Variants in ATG5 observed in about 807,000 individuals in gnomAD.
ATG5 encodes autophagy related 5.
A neutral mutation model predicts 36.5 loss-of-function variants in ATG5; 14 were observed. The observed-to-expected ratio is 0.38, with a 90% CI of 0.25 to 0.60. The LOEUF is 0.60. Among genes scored for constraint, ATG5 ranks in the 20% least tolerant of loss-of-function variants. ATG5 has a pLI of 0.60. For synonymous variants in ATG5, 95 were observed against 101.5 expected (o/e 0.94, Z 0.38); for missense variants, 195 against 326.7 (o/e 0.60, Z 3.11).
At chr6:106,235,290 T>C (rs1257954949) in intron 6 of ATG5, among the ~76,000 whole-genome samples, 1 of 152,196 alleles carries the variant, frequency 6.6e-6, no homozygotes, top group Non-Finnish European at 1.5e-5. Flanking sequence ...ATGAAGTCCA[T>C]GACTAAGATC....
At chr6:106,250,650 A>G (rs151170923) in intron 5 of ATG5, among the ~76,000 whole-genome samples, 1 of 152,358 alleles carries the variant, frequency 6.6e-6, no homozygotes, top group East Asian at 1.9e-4. Context: ...ACAGCTAAAT[A>G]TAATGATTCT....
At chr6:106,197,601 G>A (rs1344086894) in intron 7 of ATG5, among the ~76,000 whole-genome samples, 2 of 151,914 alleles carry the variant, frequency 1.3e-5, no homozygotes, top group Non-Finnish European at 1.5e-5. Flanking sequence ...AGTTCTCACT[G>A]TTTTAGTTCC....
At chr6:106,310,151 C>G (rs1180322410) in intron 2 of ATG5, among the ~76,000 whole-genome samples, 1 of 152,082 alleles carries the variant, frequency 6.6e-6, no homozygotes, top group African/African-American at 2.4e-5. Flanking sequence ...TTCCACTGCC[C>G]AAAATAGTGC....
Position 106,186,621 on chromosome 6 carries a change from T to G in ATG5, c.747A>C (p.Thr249=). 6.2e-7 allele frequency: 1 copy of G among 1,613,782 alleles called. No homozygotes were observed. Among genetic ancestry groups the G allele is most frequent in the Non-Finnish European group, 8.5e-7 (1 of 1,179,754 alleles). ...MIHGIEPMLE[T]PLQWLSEHLS... ...GATGTTCACTCAGCCACTGCAGAGG[T>G]GTTTCCAACATTGGCTCAATTCCAT... The change falls in exon 8 of 8, where the codon ACA becomes ACC. Residue 249 remains threonine (T), a synonymous_variant. Transcript: ENST00000369076.
At chr6:106,202,700 C>T (rs1056526748) in intron 6 of ATG5, among the ~76,000 whole-genome samples, 1 of 152,080 alleles carries the variant, frequency 6.6e-6, no homozygotes, top group Non-Finnish European at 1.5e-5. Flanking sequence ...CTCGCTCTGC[C>T]ACCCCGGCTG....
At chr6:106,243,010 A>G (rs760475808) in intron 6 of ATG5, among the ~76,000 whole-genome samples, 5 of 152,200 alleles carry the variant, frequency 3.3e-5, no homozygotes, top group African/African-American at 7.2e-5. Flanking sequence ...CTGGAAACAA[A>G]ACAGAGTCTA....
chr6:106,208,460 T>A (rs1395365063), intron 6 of ATG5, among the ~76,000 whole-genome samples: 2 of 152,234 alleles, frequency 1.3e-5, no homozygotes, highest in Admixed American at 6.5e-5. Context: ...TTATTTCCTT[T>A]TAATTTCATT....
intron 5 of ATG5, among the ~76,000 whole-genome samples, chr6:106,251,827 T>C (rs1778603985): frequency 6.6e-6 from 1 of 151,188 alleles, no homozygotes; most frequent in Non-Finnish European, 1.5e-5. Context: ...CCAAGTGTCT[T>C]TCACAATGGA....
intron 1 of ATG5, 98 bp downstream of exon 1, chr6:106,325,428 G>A (rs1282268141): frequency 6.6e-6 from 1 of 152,510 alleles, no homozygotes; most frequent in African/African-American, 2.4e-5. Context: ...GCTCCTCCAG[G>A]CAACTACTCA....
At chr6:106,275,343 T>C (rs1413344123) in intron 5 of ATG5, among the ~76,000 whole-genome samples, 2 of 152,198 alleles carry the variant, frequency 1.3e-5, no homozygotes, top group African/African-American at 4.8e-5. Context: ...GAAAATAAAG[T>C]ACCAAGGACT....
chr6:106,212,696 A>G (rs1179439197), intron 6 of ATG5, among the ~76,000 whole-genome samples: 3 of 152,250 alleles, frequency 2.0e-5, no homozygotes, highest in African/African-American at 7.2e-5. Context: ...TACTAGGGCC[A>G]TCAAATCAGT....
chr6:106,317,371 T>C (rs1770889783), intron 1 of ATG5, among the ~76,000 whole-genome samples: 1 of 152,226 alleles, frequency 6.6e-6, no homozygotes, highest in Non-Finnish European at 1.5e-5. Context: ...ATATAAATTA[T>C]TAACACTGAA....
chr6:106,254,547 G>A (rs564721394), intron 5 of ATG5, among the ~76,000 whole-genome samples: 43 of 152,322 alleles, frequency 2.8e-4, no homozygotes, highest in African/African-American at 9.1e-4. Flanking sequence ...AACAAAGTGT[G>A]GCATAGTGGA....
intron 6 of ATG5, among the ~76,000 whole-genome samples, chr6:106,218,261 T>G (rs545378820): frequency 2.7e-4 from 41 of 152,306 alleles, no homozygotes; most frequent in African/African-American, 9.9e-4. Flanking sequence ...TCAACCAAAC[T>G]ATAGAAAAGA....
chr6:106,292,416 C>T (rs553986215), intron 4 of ATG5, among the ~76,000 whole-genome samples: 1 of 152,142 alleles, frequency 6.6e-6, no homozygotes, highest in Non-Finnish European at 1.5e-5. Flanking sequence ...AATTAGGTCA[C>T]ACTAAATTCA....
At chr6:106,279,161 C>T (rs1310650825) in intron 5 of ATG5, among the ~76,000 whole-genome samples, 1 of 152,160 alleles carries the variant, frequency 6.6e-6, no homozygotes, top group African/African-American at 2.4e-5. Flanking sequence ...ATGAGGGATA[C>T]AGAGATGAGC....
Position 106,261,336 on chromosome 6 carries a change from T to C in ATG5, c.479-13092A>G, listed in dbSNP as rs943396884. ...TTAAGTTTGCAATGAGAAGTTTACA[T>C]AGTTCACCAGGCAAAACAGTTCACA... On this transcript the variant is annotated intron_variant, in intron 5 of 7. Coordinates refer to ENST00000369076, the MANE Select transcript of ATG5 (RefSeq NM_004849.4). Among the ~76,000 whole-genome samples the C allele has an allele frequency of 2.4e-4, 37 of 152,232 alleles. 1 individual carries two copies. The highest frequency in any genetic ancestry group is 8.9e-4 in the African/African-American group (37 of 41,462).
chr6:106,275,638 C>T (rs1043300317), intron 5 of ATG5, among the ~76,000 whole-genome samples: 5 of 151,952 alleles, frequency 3.3e-5, no homozygotes, highest in Non-Finnish European at 5.9e-5. Flanking sequence ...ACATAAGAAA[C>T]AATATGAGCC....
intron 6 of ATG5, among the ~76,000 whole-genome samples, chr6:106,223,737 C>A (rs17513118): frequency 0.019 from 2,967 of 152,308 alleles, 45 homozygotes; most frequent in Non-Finnish European, 0.031. Context: ...AGAGAAACTA[C>A]ATACATGGTG....
Sources: allele counts gnomAD v4.1 joint callset (sites outside exome capture counted in the v4.1 genomes callset), GRCh38; gene constraint gnomAD v4.1.1; transcripts MANE v1.5; gene names NCBI Gene and HGNC (gene_info 2026-07-23, HGNC 2026-07-21).